Variants in ARHGAP15 observed in about 807,000 individuals in gnomAD.
ARHGAP15 encodes Rho GTPase activating protein 15.
A neutral mutation model predicts 63.7 loss-of-function variants in ARHGAP15; 51 were observed. The ratio of observed to expected loss-of-function variants is 0.80; its 90% CI spans 0.64 to 1.01. The LOEUF is 1.01. ARHGAP15 is among the 50% of genes least tolerant of loss of function. The probability of loss-of-function intolerance (pLI) is 0.00; values close to 1 mark genes in which losing one functional copy is unlikely to be tolerated. For synonymous variants in ARHGAP15, 191 were observed against 193.8 expected (o/e 0.99, Z 0.12); for missense variants, 560 against 564.6 (o/e 0.99, Z 0.08).
intron 6 of ARHGAP15, among the ~76,000 whole-genome samples, chr2:143,290,579 TAACATTACACATG>T (rs999420915): frequency 1.3e-5 from 2 of 152,074 alleles, no homozygotes; most frequent in African/African-American, 2.4e-5. Context: ...AACTTTTTTT[TAACATTACACATG>T]ACGTGGCATT....
intron 8 of ARHGAP15, among the ~76,000 whole-genome samples, chr2:143,475,084 C>T (rs1409639197): frequency 6.6e-6 from 1 of 152,226 alleles, no homozygotes; most frequent in Non-Finnish European, 1.5e-5. Flanking sequence ...TATATCCAGA[C>T]CACATCAAGT....
At chr2:143,682,414 G>T (rs902507119) in intron 12 of ARHGAP15, among the ~76,000 whole-genome samples, 2 of 151,884 alleles carry the variant, frequency 1.3e-5, no homozygotes, top group African/African-American at 2.4e-5. Context: ...TATAAAATCA[G>T]CAATGAATGT....
At position 143,413,966 on chromosome 2, in the gene ARHGAP15, T is replaced by TGCGCGCGCGCGCGCGCACGC. The variant is rs1553476592; in HGVS notation, c.475-21629_475-21628insGCGCGCGCGCACGCGCGCGC. Among the ~76,000 whole-genome samples, 40 of 117,924 alleles carry TGCGCGCGCGCGCGCGCACGC rather than the reference T, an allele frequency of 3.4e-4. 1 individual carries two copies. The highest frequency in any genetic ancestry group is 1.3e-3 in the African/African-American group (38 of 28,246). The allele number at this position is 117,924 out of a possible 152,430, so 77.4% of individuals were successfully genotyped here. On this transcript the variant is annotated intron_variant, in intron 6 of 13. Transcript: ENST00000295095. The stretch of plus-strand genomic sequence containing the variant: ...GTGTGTGTGTGTGTGTGTGTGTGTG[T>TGCGCGCGCGCGCGCGCACGC]GCGCGCTCTCTGGCAGAAAGTTAAT...
chr2:143,692,386 A>G (rs1483859892), intron 12 of ARHGAP15, among the ~76,000 whole-genome samples: 2 of 152,192 alleles, frequency 1.3e-5, no homozygotes, highest in African/African-American at 4.8e-5. Context: ...TACAGCTAGA[A>G]GTCTCCGACT....
chr2:143,617,859 G>A (rs957084257), intron 11 of ARHGAP15, among the ~76,000 whole-genome samples: 4 of 152,298 alleles, frequency 2.6e-5, no homozygotes, highest in Middle Eastern at 3.4e-3. Context: ...CTCCTTTGAG[G>A]AACATAAAGC....
At chr2:143,276,628 A>G (rs1681566662) in intron 6 of ARHGAP15, among the ~76,000 whole-genome samples, 1 of 152,136 alleles carries the variant, frequency 6.6e-6, no homozygotes, top group Non-Finnish European at 1.5e-5. Context: ...AGCAGGGGCC[A>G]CAACTACTTT....
chr2:143,338,767 T>C (rs1363500515), intron 6 of ARHGAP15, among the ~76,000 whole-genome samples: 2 of 152,160 alleles, frequency 1.3e-5, no homozygotes, highest in Non-Finnish European at 2.9e-5. Context: ...ACAAAACCTG[T>C]GCACCAATGC....
intron 10 of ARHGAP15, among the ~76,000 whole-genome samples, chr2:143,552,567 G>C (rs557309981): frequency 1.3e-5 from 2 of 150,808 alleles, no homozygotes; most frequent in Non-Finnish European, 3.0e-5. Flanking sequence ...AAAAGTCGGG[G>C]TGGGGAGGCA....
chr2:143,730,396 C>A (rs1173218438), intron 13 of ARHGAP15, among the ~76,000 whole-genome samples: 1 of 136,776 alleles, frequency 7.3e-6, no homozygotes, highest in Non-Finnish European at 1.7e-5. Flanking sequence ...CAAAAGTATG[C>A]AATATTTCTT....
In ARHGAP15 at chr2:143,250,578, C is replaced by A. The variant is rs773820252; in HGVS notation, c.452C>A (p.Ser151Ter). ...CACATTGAATGGGCCAAGGAAAAAT[C>A]GAGCAGAAAGAATGTCTTTCAGGTA... Reference protein sequence around the residue: ...GAHIEWAKEKSSRKNVFQITT... With the variant: ...GAHIEWAKEK Residue 151 changes from serine to a stop codon, truncating the protein, a stop_gained, in exon 6 of 14, where the codon TCG (serine) becomes TAG (stop). Transcript: ENST00000295095. LOFTEE classifies it high-confidence loss of function. 22 of 1,613,004 alleles carry A rather than the reference C, an allele frequency of 1.4e-5. No homozygotes were observed. The highest frequency in any genetic ancestry group is 2.2e-5 in the East Asian group (1 of 44,836).
At chr2:143,493,526 GCA>G (rs1403964649) in intron 9 of ARHGAP15, among the ~76,000 whole-genome samples, 1 of 152,068 alleles carries the variant, frequency 6.6e-6, no homozygotes, top group Non-Finnish European at 1.5e-5. Context: ...TGAATTTCCT[GCA>G]CAGTGTTCTT....
chr2:143,250,598 C>A lies in ARHGAP15; in HGVS notation c.472C>A (p.Gln158Lys). Residue 158 changes from glutamine to lysine, a missense_variant and splice_region_variant, in exon 6 of 14, where the codon CAG (glutamine) becomes AAG (lysine). Coordinates refer to ENST00000295095, the MANE Select transcript of ARHGAP15 (RefSeq NM_018460.4). ...KEKSSRKNVF[Q>K]ITTVSGNEFL... ...AAAATCGAGCAGAAAGAATGTCTTT[C>A]AGGTAAGAATGTTACATATATTCAA... The A allele has an allele frequency of 6.2e-7, 1 of 1,610,916 alleles. No individual in the cohort carries two copies. The highest frequency in any genetic ancestry group is 8.5e-7 in the Non-Finnish European group (1 of 1,177,466).
At chr2:143,727,063 G>C (rs1475080376) in intron 13 of ARHGAP15, among the ~76,000 whole-genome samples, 1 of 152,096 alleles carries the variant, frequency 6.6e-6, no homozygotes, top group Non-Finnish European at 1.5e-5. Context: ...TTTCCACTCG[G>C]CTTGCTGGTT....
intron 2 of ARHGAP15, among the ~76,000 whole-genome samples, chr2:143,161,185 G>A (rs1481413187): frequency 6.6e-6 from 1 of 151,932 alleles, no homozygotes; most frequent in Non-Finnish European, 1.5e-5. Context: ...AATGTTTTGT[G>A]TTGCTTCCTA....
At chr2:143,524,595 C>T (rs1406350348) in intron 10 of ARHGAP15, among the ~76,000 whole-genome samples, 1 of 152,048 alleles carries the variant, frequency 6.6e-6, no homozygotes, top group Non-Finnish European at 1.5e-5. Flanking sequence ...ATTATTATAC[C>T]TTAACTGTTT....
At chr2:143,569,509 G>T (rs114912817) in intron 11 of ARHGAP15, among the ~76,000 whole-genome samples, 1 of 152,096 alleles carries the variant, frequency 6.6e-6, no homozygotes, top group Non-Finnish European at 1.5e-5. Context: ...GGAGAGATGT[G>T]GGGGGAGTGC....
At chr2:143,663,960 A>T (rs1681995116) in intron 12 of ARHGAP15, among the ~76,000 whole-genome samples, 1 of 152,060 alleles carries the variant, frequency 6.6e-6, no homozygotes, top group Non-Finnish European at 1.5e-5. Flanking sequence ...CACATTAATA[A>T]TGGGAGACTT....
chr2:143,382,907 T>C (rs1377168925), intron 6 of ARHGAP15, among the ~76,000 whole-genome samples: 1 of 152,216 alleles, frequency 6.6e-6, no homozygotes, highest in Admixed American at 6.5e-5. Flanking sequence ...CCACAGCCTT[T>C]CAAGAAGCTC....
At chr2:143,446,008 T>A (rs1440536901) in intron 8 of ARHGAP15, among the ~76,000 whole-genome samples, 1 of 151,928 alleles carries the variant, frequency 6.6e-6, no homozygotes, top group African/African-American at 2.4e-5. Context: ...TTCAAAAGGT[T>A]GTATGAGATT....
Sources: allele counts gnomAD v4.1 joint callset (sites outside exome capture counted in the v4.1 genomes callset), GRCh38; gene constraint gnomAD v4.1.1; transcripts MANE v1.5; gene names NCBI Gene and HGNC (gene_info 2026-07-23, HGNC 2026-07-21).